The following NAALADL2 variants were observed in gnomAD, a reference collection of about 807,000 sequenced individuals.
NAALADL2 encodes inactive N-acetylated-alpha-linked acidic dipeptidase-like protein 2.
In NAALADL2, 76 loss-of-function variants were observed where a neutral mutation model predicts 87.2. The ratio of observed to expected loss-of-function variants is 0.87; its 90% confidence interval spans 0.72 to 1.05. The LOEUF (loss-of-function observed/expected upper bound fraction) is 1.05, where lower values mean the gene tolerates loss of function less well. Among genes scored for constraint, NAALADL2 ranks in the 50% least tolerant of loss-of-function variants. The probability of loss-of-function intolerance (pLI) is 0.00; values close to 1 mark genes in which losing one functional copy is unlikely to be tolerated. For synonymous variants in NAALADL2, 354 were observed against 331.0 expected, an observed-to-expected ratio of 1.07 and a Z score of -0.75; for missense variants, 1,089 against 945.8, an observed-to-expected ratio of 1.15 and a Z score of -1.99.
intron 7 of NAALADL2, among the ~76,000 whole-genome samples, chr3:175,464,159 AT>A (rs11299561): frequency 0.19 from 28,962 of 149,136 alleles, 5,351 homozygotes; most frequent in African/African-American, 0.49. Context: ...GTTTTTAATG[AT>A]TTTTTTTTTT....
intron 2 of NAALADL2, among the ~76,000 whole-genome samples, chr3:174,707,789 TATA>T (rs1342294145): frequency 6.7e-6 from 1 of 149,712 alleles, no homozygotes; most frequent in Non-Finnish European, 1.5e-5. Context: ...GAACTTAAAG[TATA>T]ATAAAAAAAA....
chr3:174,811,579 T>G (rs1720215186), intron 3 of NAALADL2, among the ~76,000 whole-genome samples: 1 of 152,204 alleles, frequency 6.6e-6, no homozygotes, highest in South Asian at 2.1e-4. Context: ...TGTTGTATCT[T>G]AGGAGTAACT....
At chr3:175,242,764 G>A (rs1747167788) in intron 3 of NAALADL2, among the ~76,000 whole-genome samples, 1 of 152,188 alleles carries the variant, frequency 6.6e-6, no homozygotes, top group Non-Finnish European at 1.5e-5. Context: ...AGGGGACACA[G>A]TGGTAAATAA....
chr3:174,740,213 G>C (rs1352588487), intron 3 of NAALADL2, among the ~76,000 whole-genome samples: 1 of 151,886 alleles, frequency 6.6e-6, no homozygotes. Context: ...ATTAAGGAAT[G>C]CCTCACCCAC....
intron 10 of NAALADL2, among the ~76,000 whole-genome samples, chr3:175,583,931 T>C (rs940023774): frequency 6.6e-6 from 1 of 152,204 alleles, no homozygotes; most frequent in Non-Finnish European, 1.5e-5. Context: ...ACTTATATAA[T>C]GTTTGCGTCA....
intron 10 of NAALADL2, among the ~76,000 whole-genome samples, chr3:175,598,354 T>C (rs1582564540): frequency 1.3e-5 from 2 of 151,894 alleles, no homozygotes; most frequent in East Asian, 3.9e-4. Flanking sequence ...CCTAAGATTT[T>C]TTTTTTTTGT....
chr3:174,645,678 A>G (rs943055455), intron 2 of NAALADL2, among the ~76,000 whole-genome samples: 1 of 152,130 alleles, frequency 6.6e-6, no homozygotes, highest in African/African-American at 2.4e-5. Context: ...GTCGATTTAA[A>G]CATATTTTTC....
chr3:175,168,723 T>G lies in NAALADL2; in HGVS notation c.546-65208T>G, dbSNP rs114713474. On this transcript the variant is annotated intron_variant, in intron 2 of 13. Transcript: ENST00000454872. The stretch of plus-strand genomic sequence containing the variant: ...TAATGGTTCAACTTATTAGAAGACT[T>G]AAATAGGGAGATCTACAAAATCAAT... Among the ~76,000 whole-genome samples, 358 of 151,608 alleles carry G rather than the reference T, an allele frequency of 2.4e-3. 2 individuals carry two copies. The highest frequency in any genetic ancestry group is 4.2e-3 in the Non-Finnish European group (285 of 67,674).
At chr3:175,517,576 T>C (rs1333569985) in intron 9 of NAALADL2, among the ~76,000 whole-genome samples, 1 of 152,166 alleles carries the variant, frequency 6.6e-6, no homozygotes, top group Non-Finnish European at 1.5e-5. Flanking sequence ...ATTATTTAAT[T>C]AATATAGAAA....
intron 2 of NAALADL2, among the ~76,000 whole-genome samples, chr3:175,140,267 G>C (rs1395426859): frequency 6.6e-6 from 1 of 152,066 alleles, no homozygotes; most frequent in Non-Finnish European, 1.5e-5. Context: ...AGTTATAATG[G>C]TAACCATCCA....
At chr3:174,770,756 C>T (rs951068040) in intron 3 of NAALADL2, among the ~76,000 whole-genome samples, 3 of 151,366 alleles carry the variant, frequency 2.0e-5, no homozygotes, top group Non-Finnish European at 2.9e-5. Context: ...AGGAGAATGG[C>T]GTGAACCGGG....
chr3:175,421,685 C>G (rs563339050), intron 5 of NAALADL2, among the ~76,000 whole-genome samples: 1 of 152,116 alleles, frequency 6.6e-6, no homozygotes, highest in South Asian at 2.1e-4. Context: ...CTCATTCATT[C>G]ATTGATTTAC....
intron 2 of NAALADL2, among the ~76,000 whole-genome samples, chr3:175,185,883 T>G (rs1167249785): frequency 6.6e-6 from 1 of 151,916 alleles, no homozygotes; most frequent in East Asian, 1.9e-4. Context: ...ATCTCTATTT[T>G]ACTTTCATCA....
rs748895219 is a variant in NAALADL2, at chr3:174,625,057, C to CTCTCTTTTTTTTTT, written c.-115+74421_-115+74422insCTCTTTTTTTTTTT. Among the ~76,000 whole-genome samples, 113 of 78,840 alleles carry CTCTCTTTTTTTTTT rather than the reference C, an allele frequency of 1.4e-3. 6 individuals are homozygous for CTCTCTTTTTTTTTT. Among genetic ancestry groups the CTCTCTTTTTTTTTT allele is most frequent in the African/African-American group, 3.0e-3 (60 of 19,826 alleles). The allele number at this position is 78,840 out of a possible 152,430, so 51.7% of individuals were successfully genotyped here. On this transcript the variant is annotated intron_variant, in intron 2 of 3. Coordinates refer to the NAALADL2 transcript ENST00000434257. Reference sequence around the variant, plus strand: ...TATTTATTGCTATCTCTCTCTCTCTCTTTTTTTTTTTTTTTTTTTGAGACA... The same window carrying CTCTCTTTTTTTTTT: ...TATTTATTGCTATCTCTCTCTCTCTCTCTCTTTTTTTTTTTTTTTTTTTTTTTTTTTTTGAGACA...
intron 13 of NAALADL2, among the ~76,000 whole-genome samples, chr3:175,757,576 C>T (rs893174097): frequency 7.9e-5 from 12 of 152,088 alleles, no homozygotes; most frequent in South Asian, 2.1e-4. Flanking sequence ...CCATACTTTA[C>T]GTAATTTTCC....
At chr3:175,241,309 C>G (rs921321438) in intron 3 of NAALADL2, among the ~76,000 whole-genome samples, 14 of 152,122 alleles carry the variant, frequency 9.2e-5, no homozygotes. Flanking sequence ...TAACCTCTGC[C>G]TCCCTGCTTC....
intron 1 of NAALADL2, among the ~76,000 whole-genome samples, chr3:174,894,868 TAAC>T (rs879516974): frequency 4.6e-5 from 7 of 151,642 alleles, no homozygotes; most frequent in Admixed American, 3.3e-4. Context: ...AAACTAGAAA[TAAC>T]AAGAGGAGTT....
chr3:174,607,039 A>G (rs920536761), intron 2 of NAALADL2, among the ~76,000 whole-genome samples: 4 of 152,222 alleles, frequency 2.6e-5, no homozygotes, highest in Admixed American at 2.0e-4. Context: ...AGAATTTTCA[A>G]TCCAGAATTT....
intron 3 of NAALADL2, among the ~76,000 whole-genome samples, chr3:174,741,203 A>G (rs1045923104): frequency 4.6e-5 from 7 of 151,692 alleles, no homozygotes; most frequent in African/African-American, 1.2e-4. Flanking sequence ...CTGACGGCAA[A>G]TGTCTTGAGG....
Sources: allele counts gnomAD v4.1 joint callset (sites outside exome capture counted in the v4.1 genomes callset), GRCh38; gene constraint gnomAD v4.1.1; transcripts MANE v1.5; gene names NCBI Gene and HGNC (gene_info 2026-07-23, HGNC 2026-07-21).